CDH17: variants seen among roughly 807,000 people sequenced by gnomAD.
CDH17 encodes cadherin 17, also known as cadherin-17.
Under a neutral mutation model 86.3 loss-of-function variants are expected in CDH17, and 67 were observed. The ratio of observed to expected loss-of-function variants is 0.78; its 90% CI spans 0.64 to 0.95. The LOEUF (loss-of-function observed/expected upper bound fraction) is 0.95. Ranked by LOEUF, CDH17 falls within the 40% of genes least tolerant of loss-of-function variation. CDH17 has a pLI of 0.00. For synonymous variants in CDH17, 367 were observed against 366.4 expected (o/e 1.00, Z -0.02); for missense variants, 993 against 1,017.6 (o/e 0.98, Z 0.33).
chr8:94,174,213 T>A lies in CDH17; in HGVS notation c.472A>T (p.Thr158Ser). 6.2e-7 allele frequency: 1 copy of A among 1,610,906 alleles called. No individual in the cohort carries two copies. Among genetic ancestry groups the A allele is most frequent in the Non-Finnish European group, 8.5e-7 (1 of 1,179,342 alleles). Residue 158 changes from threonine (T) to serine (S), a missense_variant, in exon 6 of 18, where the codon ACT becomes TCT. Thr to Ser is a moderately conservative substitution (Grantham distance 58, BLOSUM62 1). Transcript: ENST00000027335. ...TGGTAATAAAGCTGGCCATTGGGAG[T>A]GGCCGGATCATCCAGGTCTGTGGCA... is the stretch of plus-strand genomic sequence containing the variant. ...VNATDLDDPATPNGQLYYQIV... is the reference protein window; with the variant it reads ...VNATDLDDPASPNGQLYYQIV...
chr8:94,180,646 C>CAGCACTT (rs1813463621), intron 3 of CDH17, among the ~76,000 whole-genome samples: 1 of 152,102 alleles, frequency 6.6e-6, no homozygotes, highest in Non-Finnish European at 1.5e-5. Context: ...CCTGTAATCC[C>CAGCACTT]AGCACTTTGG....
intron 2 of CDH17, among the ~76,000 whole-genome samples, chr8:94,193,167 A>C (rs1813719421): frequency 6.6e-6 from 1 of 152,204 alleles, no homozygotes; most frequent in South Asian, 2.1e-4. Flanking sequence ...GAGAGTAGAG[A>C]GAAGGAAACC....
intron 17 of CDH17, among the ~76,000 whole-genome samples, chr8:94,128,976 G>A (rs769167667): frequency 5.3e-5 from 8 of 152,200 alleles, no homozygotes; most frequent in Non-Finnish European, 1.0e-4. Context: ...CCACTATGAA[G>A]AAGGAGTTGT....
chr8:94,156,554 C>T (rs566645978), intron 12 of CDH17, among the ~76,000 whole-genome samples: 1 of 152,158 alleles, frequency 6.6e-6, no homozygotes, highest in Non-Finnish European at 1.5e-5. Context: ...GAAGTAAATA[C>T]AGAGCAGGGA....
intron 15 of CDH17, among the ~76,000 whole-genome samples, chr8:94,140,060 G>A (rs2130581579): frequency 6.6e-6 from 1 of 152,210 alleles, no homozygotes; most frequent in Admixed American, 6.5e-5. Flanking sequence ...AGAATATTTG[G>A]AAACTAAATA....
intron 1 of CDH17, among the ~76,000 whole-genome samples, chr8:94,204,870 G>A (rs1813995287): frequency 6.6e-6 from 1 of 152,214 alleles, no homozygotes; most frequent in Non-Finnish European, 1.5e-5. Context: ...AGGGGGGCCA[G>A]AGCAGTCACA....
chr8:94,171,121 C>A, intron 7 of CDH17, 136 bp from the exon 8 acceptor site: 3 of 880,970 alleles, frequency 3.4e-6, no homozygotes, highest in Non-Finnish European at 4.9e-6. Context: ...AACTGAATTA[C>A]GTTTTTCACT....
At chr8:94,165,708 T>C (rs886894006) in intron 10 of CDH17, 53 bp downstream of exon 10, 12 of 1,201,500 alleles carry the variant, frequency 1.0e-5, no homozygotes, top group South Asian at 2.4e-5. Context: ...AAATAACTCA[T>C]AGCTAGAAGG....
At chr8:94,139,915 G>A (rs1005535626) in intron 15 of CDH17, among the ~76,000 whole-genome samples, 6 of 151,886 alleles carry the variant, frequency 4.0e-5, no homozygotes, top group African/African-American at 1.4e-4. Flanking sequence ...AAAAAAAAGG[G>A]GGGGTGGTGA....
At chr8:94,147,478 T>G (rs879331937) in intron 14 of CDH17, among the ~76,000 whole-genome samples, 28 of 151,228 alleles carry the variant, frequency 1.9e-4, no homozygotes, top group Admixed American at 1.2e-3. Flanking sequence ...CCTCACATTT[T>G]GAAAGTTTTT....
intron 15 of CDH17, among the ~76,000 whole-genome samples, chr8:94,135,928 G>C (rs1812514685): frequency 6.6e-6 from 1 of 152,158 alleles, no homozygotes; most frequent in East Asian, 1.9e-4. Context: ...AGTTTGGCTG[G>C]ATATGAAATT....
rs1008415766 is a variant in CDH17, at chr8:94,194,610, A to G, written c.51+25T>C. On this transcript the variant is annotated intron_variant, in intron 2 of 17. Coordinates refer to ENST00000027335, the MANE Select transcript of CDH17 (RefSeq NM_004063.4). Reference sequence around the variant, plus strand: ...GCAGAAAATATTCTAGTAAACAAATAGAGAAGAACACCCTCTTCTCTTACC... The same window carrying G: ...GCAGAAAATATTCTAGTAAACAAATGGAGAAGAACACCCTCTTCTCTTACC... 4 of 1,511,512 alleles carry G rather than the reference A, an allele frequency of 2.6e-6. No homozygotes were observed. The African/African-American group carries it at 4.2e-5, about 16-fold the overall frequency. 93.6% of individuals were successfully genotyped at this position (1,511,512 alleles called of 1,614,324 possible).
chr8:94,213,073 C>T (rs573540081), upstream of CDH17, among the ~76,000 whole-genome samples: 5 of 152,300 alleles, frequency 3.3e-5, no homozygotes, highest in East Asian at 1.9e-4. Context: ...ACTTCCTGGG[C>T]GTAAGTAATC....
intron 3 of CDH17, among the ~76,000 whole-genome samples, chr8:94,178,797 G>A (rs966433014): frequency 7.2e-5 from 11 of 152,070 alleles, no homozygotes; most frequent in Non-Finnish European, 4.4e-5. Context: ...AAATGGGTAA[G>A]ATTGTAAGTT....
intron 2 of CDH17, among the ~76,000 whole-genome samples, chr8:94,191,644 G>A (rs1401621828): frequency 6.6e-6 from 1 of 151,890 alleles, no homozygotes; most frequent in African/African-American, 2.4e-5. Flanking sequence ...AGTAGAAATG[G>A]GGTTTCACCA....
upstream of CDH17, among the ~76,000 whole-genome samples, chr8:94,209,258 C>G (rs1198076247): frequency 6.6e-6 from 1 of 152,196 alleles, no homozygotes. Context: ...CCCCAGATTT[C>G]TCAAGTCAAG....
Position 94,159,901 on chromosome 8 carries a change from T to C in CDH17, c.1551+70A>G, listed in dbSNP as rs762303409. On this transcript the variant is annotated intron_variant, in intron 12 of 17. Transcript: ENST00000027335. ...CTAATACATCACCTCTGCTTATAGG[T>C]CTTCACACTGTCATTAGTAAATTAA... The C allele has an allele frequency of 2.0e-4, 243 of 1,222,792 alleles. No homozygotes were observed. In the Middle Eastern group the frequency reaches 0.013, roughly 64 times the overall value. 75.7% of individuals were successfully genotyped at this position (1,222,792 alleles called of 1,614,324 possible). A position where few individuals can be genotyped will look rare whatever the true frequency, so the allele number is the denominator to read the frequency against.
chr8:94,156,511 T>A (rs1204859215), intron 12 of CDH17, among the ~76,000 whole-genome samples: 1 of 152,150 alleles, frequency 6.6e-6, no homozygotes, highest in Admixed American at 6.5e-5. Context: ...AAGAGCATGA[T>A]AACCAAGCAC....
chr8:94,144,476 T>C (rs1327534991), intron 15 of CDH17, among the ~76,000 whole-genome samples: 2 of 152,068 alleles, frequency 1.3e-5, no homozygotes, highest in Non-Finnish European at 2.9e-5. Flanking sequence ...GGAAGATCCA[T>C]TGGGCACGAT....
Sources: allele counts gnomAD v4.1 joint callset (sites outside exome capture counted in the v4.1 genomes callset), GRCh38; gene constraint gnomAD v4.1.1; transcripts MANE v1.5; gene names NCBI Gene and HGNC (gene_info 2026-07-23, HGNC 2026-07-21).